The following SUMF1 variants were observed in gnomAD, a reference collection of about 807,000 sequenced individuals.
SUMF1 encodes the protein formylglycine-generating enzyme.
SUMF1 carries 48 observed loss-of-function variants against 47.6 expected under a neutral mutation model. The observed-to-expected ratio is 1.01, with a 90% CI of 0.80 to 1.28. SUMF1 has a LOEUF of 1.28. Among genes scored for constraint, SUMF1 ranks in the 50% most tolerant of loss-of-function variants. The probability of loss-of-function intolerance (pLI) is 0.00; values close to 1 mark genes in which losing one functional copy is unlikely to be tolerated. For missense variants in SUMF1, 571 were observed against 485.4 expected, an observed-to-expected ratio of 1.18 and a Z score of -1.66; for synonymous variants, 230 against 192.1, an observed-to-expected ratio of 1.20 and a Z score of -1.63.
chr3:4,249,470 G>T (rs563752060), intron 8 of SUMF1, among the ~76,000 whole-genome samples: 1 of 152,106 alleles, frequency 6.6e-6, no homozygotes, highest in Non-Finnish European at 1.5e-5. Context: ...TGTCATGGTG[G>T]TCTATAATCA....
chr3:4,074,325 G>A (rs1692361196), intron 8 of SUMF1, among the ~76,000 whole-genome samples: 1 of 152,146 alleles, frequency 6.6e-6, no homozygotes, highest in Admixed American at 6.5e-5. Flanking sequence ...GAATCTCTGT[G>A]ACACATTTAA....
intron 8 of SUMF1, among the ~76,000 whole-genome samples, chr3:4,181,373 C>A (rs899824594): frequency 1.3e-5 from 2 of 152,098 alleles, no homozygotes; most frequent in Non-Finnish European, 2.9e-5. Flanking sequence ...CCCTAGGGAG[C>A]ATTCTTATTT....
chr3:4,057,755 G>T (rs1461026335), intron 9 of SUMF1, among the ~76,000 whole-genome samples: 2 of 152,150 alleles, frequency 1.3e-5, no homozygotes. Flanking sequence ...AAAGTTGCAG[G>T]TAGGTGCAAG....
intron 8 of SUMF1, among the ~76,000 whole-genome samples, chr3:4,132,525 C>A (rs1559497435): frequency 3.3e-5 from 5 of 152,092 alleles, no homozygotes. Flanking sequence ...GTCCAGGTAT[C>A]AAGGGGTGAA....
chr3:4,037,977 T>C (rs1270037944), intron 9 of SUMF1, among the ~76,000 whole-genome samples: 2 of 152,144 alleles, frequency 1.3e-5, no homozygotes, highest in African/African-American at 4.8e-5. Flanking sequence ...AGGTGGCACT[T>C]AGATGTAGTG....
In SUMF1 at chr3:4,222,066, C is replaced by T. The variant is rs192739977; in HGVS notation, c.1015-153321G>A. ...ATCATATTGCTAAAAACAAAAGTTT[C>T]AAAACAACAAATATATAATAAGATT... On this transcript the variant is annotated intron_variant and NMD_transcript_variant, in intron 8 of 12. Coordinates refer to the SUMF1 transcript ENST00000448413. Among the ~76,000 whole-genome samples, 141 of 151,592 alleles carry T rather than the reference C, an allele frequency of 9.3e-4. 1 individual carries two copies. The highest frequency in any genetic ancestry group is 5.4e-3 in the Admixed American group (82 of 15,186).
Position 4,156,648 on chromosome 3 carries a change from TC to T in SUMF1, c.1015-87904del, listed in dbSNP as rs574006328. ...GATATTTCTATATTTAAGTCATATATCCCATGCTGTATTTTGTATTTGCACT... is the reference window on the plus strand; with the variant it reads ...GATATTTCTATATTTAAGTCATATATCCATGCTGTATTTTGTATTTGCACT... On this transcript the variant is annotated intron_variant and NMD_transcript_variant, in intron 8 of 12. Transcript: ENST00000448413. Among the ~76,000 whole-genome samples, 18 of 151,722 alleles carry T rather than the reference TC, an allele frequency of 1.2e-4. No individual in the cohort carries two copies. In the East Asian group the frequency reaches 3.5e-3, roughly 29 times the overall value.
intron 8 of SUMF1, among the ~76,000 whole-genome samples, chr3:4,293,305 A>G (rs1412663845): frequency 6.6e-6 from 1 of 151,624 alleles, no homozygotes; most frequent in African/African-American, 2.4e-5. Flanking sequence ...TGTTGCAAAG[A>G]AAGCTCAATT....
intron 8 of SUMF1, among the ~76,000 whole-genome samples, chr3:4,350,356 TAA>T (rs1699472895): frequency 3.5e-5 from 2 of 57,708 alleles, no homozygotes; most frequent in East Asian, 4.1e-3. Context: ...TGTGTGTGTA[TAA>T]TTGTGTGTGT....
chr3:4,436,012 T>G (rs925270482), intron 3 of SUMF1, among the ~76,000 whole-genome samples: 2 of 152,258 alleles, frequency 1.3e-5, no homozygotes, highest in African/African-American at 2.4e-5. Flanking sequence ...CGGGGTGCAG[T>G]GATGCACATC....
intron 8 of SUMF1, among the ~76,000 whole-genome samples, chr3:4,276,996 G>T (rs928323273): frequency 6.6e-6 from 1 of 152,140 alleles, no homozygotes; most frequent in South Asian, 2.1e-4. Context: ...AAAGAAAGAT[G>T]AGGTAAAATA....
At chr3:4,054,866 C>A (rs555827173) in intron 9 of SUMF1, among the ~76,000 whole-genome samples, 2 of 152,132 alleles carry the variant, frequency 1.3e-5, no homozygotes, top group South Asian at 4.1e-4. Flanking sequence ...AACAGATGTG[C>A]AATATAGGTG....
At chr3:4,350,493 A>AT (rs527732966) in intron 8 of SUMF1, among the ~76,000 whole-genome samples, 330 of 152,258 alleles carry the variant, frequency 2.2e-3, no homozygotes, top group Non-Finnish European at 2.1e-3. Context: ...GTAGTCACCT[A>AT]TTGGCATGGA....
At chr3:4,207,130 ATTTTAT>A (rs1695670780) in intron 8 of SUMF1, among the ~76,000 whole-genome samples, 1 of 151,922 alleles carries the variant, frequency 6.6e-6, no homozygotes. Flanking sequence ...TATTATCTTA[ATTTTAT>A]TTTTAGATTG....
intron 8 of SUMF1, among the ~76,000 whole-genome samples, chr3:4,271,747 C>G (rs564276959): frequency 6.6e-6 from 1 of 152,270 alleles, no homozygotes; most frequent in East Asian, 1.9e-4. Flanking sequence ...AGCTATCCTC[C>G]TACCTTGGTC....
chr3:4,253,175 T>C (rs1187016516), intron 8 of SUMF1, among the ~76,000 whole-genome samples: 3 of 152,248 alleles, frequency 2.0e-5, no homozygotes, highest in Non-Finnish European at 2.9e-5. Context: ...ATCTCTTGTA[T>C]TCCTCTCAAG....
At chr3:4,164,531 T>C (rs777719479) in intron 8 of SUMF1, among the ~76,000 whole-genome samples, 1 of 152,162 alleles carries the variant, frequency 6.6e-6, no homozygotes, top group Non-Finnish European at 1.5e-5. Context: ...CTTTGGACAA[T>C]GTTTTTTAAG....
rs745369010 is a variant in SUMF1, at chr3:4,313,394, T to C, written c.1014+62936A>G. ...GTTGACCCTACTTATATAGGAAATA[T>C]TGGAAGATTCCTTAATCATTCTTGT... On this transcript the variant is annotated intron_variant and NMD_transcript_variant, in intron 8 of 12. Transcript: ENST00000448413. 1.1e-5 allele frequency: 17 copies of C among 1,613,850 alleles called. No homozygotes were observed. In the African/African-American group the frequency reaches 1.7e-4, roughly 16 times the overall value.
intron 7 of SUMF1, among the ~76,000 whole-genome samples, chr3:4,392,548 T>A (rs1023762517): frequency 6.6e-6 from 1 of 150,760 alleles, no homozygotes; most frequent in Non-Finnish European, 1.5e-5. Context: ...TAAGATTACA[T>A]ATATAATCTT....
Sources: allele counts gnomAD v4.1 joint callset (sites outside exome capture counted in the v4.1 genomes callset), GRCh38; gene constraint gnomAD v4.1.1; transcripts MANE v1.5; gene names NCBI Gene and HGNC (gene_info 2026-07-23, HGNC 2026-07-21).